Variants in NAV2 observed in about 807,000 individuals in gnomAD.
NAV2 encodes the protein helicase, APC down-regulated 1.
A neutral mutation model predicts 223.2 loss-of-function variants in NAV2; 54 were observed. The ratio of observed to expected loss-of-function variants is 0.24; its 90% CI spans 0.19 to 0.30. The LOEUF (loss-of-function observed/expected upper bound fraction) is 0.30, where lower values mean the gene tolerates loss of function less well. Ranked by LOEUF, NAV2 falls within the 10% of genes least tolerant of loss-of-function variation. The probability of loss-of-function intolerance (pLI) is 1.00; values close to 1 mark genes in which losing one functional copy is unlikely to be tolerated. For missense variants in NAV2, 2,806 were observed against 3,147.5 expected, an observed-to-expected ratio of 0.89 and a Z score of 2.60; for synonymous variants, 1,279 against 1,239.3, an observed-to-expected ratio of 1.03 and a Z score of -0.67.
intron 11 of NAV2, among the ~76,000 whole-genome samples, chr11:20,025,758 G>A (rs2054992234): frequency 1.3e-5 from 2 of 152,126 alleles, no homozygotes; most frequent in South Asian, 4.2e-4. Context: ...CCTTGCACCT[G>A]GCACCGTCTG....
chr11:19,966,848 G>A (rs1027124347), intron 10 of NAV2, among the ~76,000 whole-genome samples: 9 of 152,262 alleles, frequency 5.9e-5, no homozygotes, highest in African/African-American at 2.2e-4. Context: ...GAGGGATTGT[G>A]TCTTTTTACT....
At position 19,663,808 on chromosome 11, in the gene NAV2, C is replaced by T. The variant is rs558321191; in HGVS notation, c.76-168676C>T. On this transcript the variant is annotated intron_variant, in intron 1 of 37. Transcript: ENST00000360655. ...GTTCTCTGCAGAAAGAACAAAAGAG[C>T]CTCACATACAATAACATCCATATAT... 2.8e-4 allele frequency among the ~76,000 whole-genome samples: 42 copies of T among 152,300 alleles called. No homozygotes were observed. The South Asian group carries it at 8.3e-3, about 30-fold the overall frequency.
At position 19,818,063 on chromosome 11, in the gene NAV2, T is replaced by C. The variant is rs138616153; in HGVS notation, c.268-14421T>C. ...ATCTTACCTCTCTCCCTGAATTCCC[T>C]TTTTTTCATGCAAAGCATTTTAGCA... On this transcript the variant is annotated intron_variant, in intron 1 of 37. Transcript: ENST00000349880. Among the ~76,000 whole-genome samples the C allele has an allele frequency of 1.3e-4, 20 of 151,854 alleles. No homozygotes were observed. The East Asian group carries it at 3.7e-3, about 28-fold the overall frequency.
intron 1 of NAV2, among the ~76,000 whole-genome samples, chr11:19,823,786 G>A (rs2059511916): frequency 1.3e-5 from 2 of 152,164 alleles, no homozygotes; most frequent in Non-Finnish European, 2.9e-5. Flanking sequence ...CGGGGGCTAG[G>A]GGAAGGATAA....
At chr11:20,012,022 T>G (rs1488793395) in intron 11 of NAV2, among the ~76,000 whole-genome samples, 1 of 152,222 alleles carries the variant, frequency 6.6e-6, no homozygotes, top group Non-Finnish European at 1.5e-5. Flanking sequence ...CAGAGGAGCA[T>G]AGTCTCGAGT....
chr11:19,353,419 A>T (rs1490997715), intron 1 of NAV2, among the ~76,000 whole-genome samples: 1 of 152,134 alleles, frequency 6.6e-6, no homozygotes, highest in Admixed American at 6.5e-5. Flanking sequence ...ACGTGCATAT[A>T]CCTTCTGCAG....
chr11:20,118,185 G>A lies in NAV2; in HGVS notation c.7217G>A (p.Ser2406Asn). ...GCAGCCAACTACTCCAGCCCCCAGA[G>A]CTATGACAGCGACTCCAACAGCAAC... is the stretch of plus-strand genomic sequence containing the variant. ...QEAANYSSPQ[S>N]YDSDSNSNSH... Residue 2406 changes from serine (S) to asparagine (N), a missense_variant, in exon 38 of 38, where the codon AGC (serine) becomes AAC (asparagine). By Grantham distance (46) the Ser-to-Asn change is conservative. Around this residue, in one of 4 missense-constraint regions of NAV2, gnomAD observed 824 missense variants for 1,069.4 expected, o/e 0.77. Coordinates refer to ENST00000349880, the MANE Select transcript of NAV2 (RefSeq NM_145117.5). 6.2e-7 allele frequency: 1 copy of A among 1,614,052 alleles called. No individual in the cohort carries two copies. The highest frequency in any genetic ancestry group is 1.1e-5 in the South Asian group (1 of 91,072).
At chr11:19,429,932 T>G (rs1192571018) in intron 1 of NAV2, among the ~76,000 whole-genome samples, 3 of 152,116 alleles carry the variant, frequency 2.0e-5, no homozygotes, top group African/African-American at 7.2e-5. Context: ...CTTTTAGCTA[T>G]TAGAAAAAAA....
At chr11:19,749,698 G>A (rs551830527) in intron 1 of NAV2, among the ~76,000 whole-genome samples, 5 of 152,334 alleles carry the variant, frequency 3.3e-5, no homozygotes, top group African/African-American at 1.2e-4. Flanking sequence ...CTACTCATTT[G>A]TGAGGAGAAT....
chr11:19,733,835 T>C (rs887019984), intron 1 of NAV2, among the ~76,000 whole-genome samples: 2 of 152,200 alleles, frequency 1.3e-5, no homozygotes, highest in Non-Finnish European at 2.9e-5. Context: ...CTGATGATGG[T>C]AATGGGAGGC....
At chr11:19,930,018 T>C (rs564380643) in intron 6 of NAV2, among the ~76,000 whole-genome samples, 4 of 152,314 alleles carry the variant, frequency 2.6e-5, no homozygotes, top group Admixed American at 2.6e-4. Context: ...ACTGTTTTCA[T>C]GGTTTGTTTT....
chr11:19,643,680 A>T (rs1230807945), intron 1 of NAV2, among the ~76,000 whole-genome samples: 1 of 152,234 alleles, frequency 6.6e-6, no homozygotes. Context: ...ATATATACCC[A>T]GTAATGGGAT....
chr11:19,842,559 C>G (rs1301662506), intron 2 of NAV2, among the ~76,000 whole-genome samples: 1 of 152,132 alleles, frequency 6.6e-6, no homozygotes, highest in Non-Finnish European at 1.5e-5. Flanking sequence ...GAGCCTAAAG[C>G]ACAATCACAG....
chr11:20,098,088 C>T (rs1213898651), intron 31 of NAV2, among the ~76,000 whole-genome samples: 1 of 152,158 alleles, frequency 6.6e-6, no homozygotes, highest in African/African-American at 2.4e-5. Flanking sequence ...TCCCGTTCTA[C>T]AGATGGGAAA....
At chr11:19,964,836 T>TTTTTTTTTTTG (rs2048632275) in intron 10 of NAV2, among the ~76,000 whole-genome samples, 1 of 143,766 alleles carries the variant, frequency 7.0e-6, no homozygotes, top group Non-Finnish European at 1.5e-5. Context: ...TTTTTTTTTT[T>TTTTTTTTTTTG]GAGATGGAGT....
chr11:19,585,955 G>C (rs914068207), intron 1 of NAV2, among the ~76,000 whole-genome samples: 2 of 152,172 alleles, frequency 1.3e-5, no homozygotes, highest in Admixed American at 1.3e-4. Flanking sequence ...AGTTCTCCTG[G>C]ATAATATCCT....
At chr11:19,425,348 A>G (rs2729929) in intron 1 of NAV2, among the ~76,000 whole-genome samples, 138,349 of 152,192 alleles carry the variant, frequency 0.91, 62,965 homozygotes, top group Middle Eastern at 0.93. Flanking sequence ...AATGACAAAC[A>G]TGCTTTACCA....
rs185289529 is a variant in NAV2 at position 19,604,802 on chromosome 11, T to C, written c.76-227682T>C. Among the ~76,000 whole-genome samples the C allele has an allele frequency of 2.8e-3, 419 of 152,242 alleles. 2 individuals are homozygous for C. The highest frequency in any genetic ancestry group is 9.5e-3 in the African/African-American group (394 of 41,544). ...AGGAACCTGGTCTGGGATTGAATTA[T>C]GGGGGCGGGTCTTTCCTGCACTTTC... On this transcript the variant is annotated intron_variant, in intron 1 of 37. Transcript: ENST00000360655.
At chr11:19,957,454 A>G (rs1356661658) in intron 10 of NAV2, among the ~76,000 whole-genome samples, 1 of 152,212 alleles carries the variant, frequency 6.6e-6, no homozygotes, top group Non-Finnish European at 1.5e-5. Flanking sequence ...TGCAGAACAA[A>G]TGACAGCTTT....
Sources: allele counts gnomAD v4.1 joint callset (sites outside exome capture counted in the v4.1 genomes callset), GRCh38; gene constraint gnomAD v4.1.1; regional missense constraint gnomAD v4.1.1; transcripts MANE v1.5; gene names NCBI Gene and HGNC (gene_info 2026-07-23, HGNC 2026-07-21).